Variants in RIPOR2 observed in about 807,000 individuals in gnomAD.
RIPOR2 encodes rho family-interacting cell polarization regulator 2.
Under a neutral mutation model 114.5 loss-of-function variants are expected in RIPOR2, and 39 were observed. The ratio of observed to expected loss-of-function variants is 0.34; its 90% CI spans 0.26 to 0.44. The LOEUF is 0.44. Ranked by LOEUF, RIPOR2 falls within the 20% of genes least tolerant of loss-of-function variation. The probability of loss-of-function intolerance (pLI) is 1.00; values close to 1 mark genes in which losing one functional copy is unlikely to be tolerated. For synonymous variants in RIPOR2, 445 were observed against 484.4 expected (o/e 0.92, Z 1.07); for missense variants, 1,007 against 1,255.1 (o/e 0.80, Z 2.99).
intron 1 of RIPOR2, among the ~76,000 whole-genome samples, chr6:24,925,356 T>C (rs997254166): frequency 1.3e-4 from 20 of 152,262 alleles, no homozygotes; most frequent in Admixed American, 1.2e-3. Context: ...TCTTTTTGCA[T>C]AGGGCAGATG....
At chr6:24,842,797 A>T in intron 13 of RIPOR2, 65 bp downstream of exon 13, 1 of 941,434 alleles carries the variant, frequency 1.1e-6, no homozygotes, top group Non-Finnish European at 1.5e-6. Flanking sequence ...CCTCATCTTA[A>T]ATAGAATGTT....
At chr6:24,955,940 C>T (rs1420767236) in intron 1 of RIPOR2, among the ~76,000 whole-genome samples, 5 of 148,668 alleles carry the variant, frequency 3.4e-5, no homozygotes, top group East Asian at 2.0e-4. Flanking sequence ...ACCTGGGAGG[C>T]GGAGGTTGCA....
chr6:24,932,476 C>T (rs1346488965), intron 1 of RIPOR2, among the ~76,000 whole-genome samples: 2 of 152,098 alleles, frequency 1.3e-5, no homozygotes, highest in South Asian at 2.1e-4. Context: ...TATATGCAAC[C>T]TGTTTTAGAA....
chr6:24,834,915 C>A (rs988362487), intron 15 of RIPOR2, among the ~76,000 whole-genome samples: 1 of 152,152 alleles, frequency 6.6e-6, no homozygotes, highest in Non-Finnish European at 1.5e-5. Flanking sequence ...TGAGTCACTG[C>A]GCCTGGTCTG....
At chr6:24,850,750 A>G (rs772053369) in intron 9 of RIPOR2, 28 bp from the exon 10 acceptor site, 1 of 1,612,490 alleles carries the variant, frequency 6.2e-7, no homozygotes, top group South Asian at 1.1e-5. Flanking sequence ...AAGGGCCTTC[A>G]TGTCTTGCCA....
At chr6:24,926,699 G>A (rs956225950) in intron 1 of RIPOR2, among the ~76,000 whole-genome samples, 1 of 152,094 alleles carries the variant, frequency 6.6e-6, no homozygotes, top group Non-Finnish European at 1.5e-5. Context: ...TATAGACTTG[G>A]GGGGCTGAGA....
chr6:24,966,191 T>C (rs1478063418), intron 1 of RIPOR2, among the ~76,000 whole-genome samples: 2 of 152,182 alleles, frequency 1.3e-5, no homozygotes, highest in Non-Finnish European at 2.9e-5. Flanking sequence ...CCTCACTTTA[T>C]GAAGCTTAAA....
chr6:24,852,408 T>C (rs557063899), intron 9 of RIPOR2, among the ~76,000 whole-genome samples, 167 bp downstream of exon 9: 9 of 150,636 alleles, frequency 6.0e-5, no homozygotes, highest in African/African-American at 2.2e-4. Context: ...GAAAGGTTTA[T>C]GGGAAGTCCT....
At chr6:24,871,919 GC>G (rs1484723754) in intron 4 of RIPOR2, among the ~76,000 whole-genome samples, 3 of 152,188 alleles carry the variant, frequency 2.0e-5, no homozygotes, top group African/African-American at 7.2e-5. Flanking sequence ...CCACATAGAT[GC>G]AGGCAATTTA....
chr6:24,850,736 A>C lies in RIPOR2; in HGVS notation c.760-14T>G, dbSNP rs1336748741. 1.2e-6 allele frequency: 2 copies of C among 1,613,396 alleles called. No homozygotes were observed. The highest frequency in any genetic ancestry group is 2.2e-5 in the South Asian group (2 of 91,080). ...CTTCATGAAAATCTGGAGAGGAGAC[A>C]TCCAAGGGCCTTCATGTCTTGCCAC... On this transcript the variant is annotated splice_polypyrimidine_tract_variant and intron_variant, in intron 9 of 21. Coordinates refer to ENST00000643898, the MANE Select transcript of RIPOR2 (RefSeq NM_001286445.3).
At chr6:25,022,810 T>C (rs1053005100) in intron 1 of RIPOR2, among the ~76,000 whole-genome samples, 15 of 151,846 alleles carry the variant, frequency 9.9e-5, no homozygotes, top group Admixed American at 6.6e-4. Context: ...TCTCCCAAAG[T>C]TTTGGGATTA....
intron 1 of RIPOR2, among the ~76,000 whole-genome samples, chr6:25,000,646 T>A: frequency 6.7e-6 from 1 of 148,914 alleles, no homozygotes; most frequent in African/African-American, 2.6e-5. Flanking sequence ...GCTTTTTCCT[T>A]TTTTTTTTCT....
chr6:24,935,799 AG>A, intron 1 of RIPOR2, 38 bp downstream of exon 1: 1 of 1,462,132 alleles, frequency 6.8e-7, no homozygotes, highest in Non-Finnish European at 9.3e-7. Flanking sequence ...AACAAAGCAA[AG>A]CAGACCGGAG....
intron 1 of RIPOR2, among the ~76,000 whole-genome samples, chr6:24,928,966 A>G (rs574967059): frequency 6.6e-6 from 1 of 152,306 alleles, no homozygotes; most frequent in East Asian, 1.9e-4. Flanking sequence ...TTTACTTTGT[A>G]TCCATCACTG....
Position 25,017,753 on chromosome 6 carries a change from G to C in RIPOR2, c.76+24098C>G, listed in dbSNP as rs149349980. 2.1e-3 allele frequency among the ~76,000 whole-genome samples: 321 copies of C among 152,330 alleles called. 1 individual carries two copies. The highest frequency in any genetic ancestry group is 7.4e-3 in the African/African-American group (306 of 41,572). ...AGCTGCGGTGTGGGAGCTCAGGTTA[G>C]CTCACAACAGTTTTTTGACAGATGG... On this transcript the variant is annotated intron_variant, in intron 1 of 13. Coordinates refer to the RIPOR2 transcript ENST00000510784.
At chr6:24,851,793 C>A (rs979806407) in intron 9 of RIPOR2, among the ~76,000 whole-genome samples, 19 of 151,458 alleles carry the variant, frequency 1.3e-4, no homozygotes, top group African/African-American at 4.6e-4. Context: ...TATTGGGACA[C>A]CTGGCAAAAT....
intron 7 of RIPOR2, among the ~76,000 whole-genome samples, chr6:24,862,519 C>T (rs1196190886): frequency 6.6e-6 from 1 of 152,164 alleles, no homozygotes; most frequent in Non-Finnish European, 1.5e-5. Flanking sequence ...ATTGCTTTTT[C>T]CCTTGTAAAT....
chr6:25,038,731 G>T (rs1280376609), intron 1 of RIPOR2, among the ~76,000 whole-genome samples: 1 of 152,210 alleles, frequency 6.6e-6, no homozygotes. Flanking sequence ...ACCCTGAGCA[G>T]AGAATCCAGC....
chr6:24,902,495 G>T (rs367842389), intron 1 of RIPOR2, among the ~76,000 whole-genome samples: 2 of 152,126 alleles, frequency 1.3e-5, no homozygotes, highest in African/African-American at 4.8e-5. Context: ...GGGATTACAC[G>T]CGCAAGCCAC....
Sources: allele counts gnomAD v4.1 joint callset (sites outside exome capture counted in the v4.1 genomes callset), GRCh38; gene constraint gnomAD v4.1.1; transcripts MANE v1.5; gene names NCBI Gene and HGNC (gene_info 2026-07-23, HGNC 2026-07-21).